Variants in HDAC4 observed in about 807,000 individuals in gnomAD.
HDAC4 encodes histone deacetylase A.
Under a neutral mutation model 135.1 loss-of-function variants are expected in HDAC4, and 16 were observed. That is an observed-to-expected ratio of 0.12 (90% CI 0.08 to 0.18). The LOEUF (loss-of-function observed/expected upper bound fraction) is 0.18. Ranked by LOEUF, HDAC4 falls within the 10% of genes least tolerant of loss-of-function variation. HDAC4 has a pLI of 1.00. For synonymous variants in HDAC4, 685 were observed against 653.4 expected (o/e 1.05, Z -0.74); for missense variants, 1,143 against 1,511.8 (o/e 0.76, Z 4.05).
chr2:239,132,054 C>T (rs1048589719), intron 11 of HDAC4, among the ~76,000 whole-genome samples: 1 of 152,056 alleles, frequency 6.6e-6, no homozygotes, highest in Non-Finnish European at 1.5e-5. Context: ...TGGGGGAGGG[C>T]CCCTGAGACA....
intron 5 of HDAC4, 41 bp from the exon 6 acceptor site, chr2:239,163,964 C>G (rs761172839): frequency 1.9e-6 from 3 of 1,613,356 alleles, no homozygotes; most frequent in East Asian, 2.2e-5. Flanking sequence ...AAGTGTGGCT[C>G]TGCCCTACAG....
chr2:239,172,976 C>T (rs1461769859), intron 5 of HDAC4, among the ~76,000 whole-genome samples: 2 of 152,050 alleles, frequency 1.3e-5, no homozygotes, highest in South Asian at 4.1e-4. Context: ...GGAAAAATGT[C>T]CCAGGAACTA....
At chr2:239,258,034 C>A (rs11898008) in intron 2 of HDAC4, among the ~76,000 whole-genome samples, 3,262 of 152,138 alleles carry the variant, frequency 0.021, 119 homozygotes, top group African/African-American at 0.075. Flanking sequence ...TAAGATCCTG[C>A]GGCAGTTTTA....
chr2:239,252,971 ACGG>A (rs1330441405), intron 2 of HDAC4, among the ~76,000 whole-genome samples: 1 of 152,228 alleles, frequency 6.6e-6, no homozygotes, highest in Non-Finnish European at 1.5e-5. Flanking sequence ...CCCGCTGGCC[ACGG>A]CGGCCCGCAC....
intron 16 of HDAC4, among the ~76,000 whole-genome samples, chr2:239,101,935 C>T (rs1430540165): frequency 6.6e-6 from 1 of 150,638 alleles, no homozygotes; most frequent in Non-Finnish European, 1.5e-5. Flanking sequence ...TGTTCTGTGC[C>T]CTGGACGCTC....
At chr2:239,254,287 A>C (rs2048939145) in intron 2 of HDAC4, among the ~76,000 whole-genome samples, 1 of 152,204 alleles carries the variant, frequency 6.6e-6, no homozygotes, top group South Asian at 2.1e-4. Context: ...TTTACCATGC[A>C]AATTTAACAT....
At position 239,083,900 on chromosome 2, in the gene HDAC4, G is replaced by A. The variant is rs563122099; in HGVS notation, c.2532+255C>T. ...CTTCCAAGAAGATCTCGTCGAGGGT[G>A]GCCCTGGCCGCTGCCGTCACCCACA... On this transcript the variant is annotated intron_variant, in intron 20 of 26. Transcript: ENST00000543185. Among the ~76,000 whole-genome samples the A allele has an allele frequency of 3.3e-5, 5 of 152,346 alleles. No homozygotes were observed. In the East Asian group the frequency reaches 9.6e-4, roughly 29 times the overall value.
intron 1 of HDAC4, among the ~76,000 whole-genome samples, chr2:239,373,301 A>C (rs1164716162): frequency 6.6e-6 from 1 of 151,904 alleles, no homozygotes; most frequent in African/African-American, 2.4e-5. Flanking sequence ...AAAAAGCACG[A>C]TCTCTGCTGA....
At chr2:239,136,079 G>A (rs2040934528) in intron 9 of HDAC4, among the ~76,000 whole-genome samples, 1 of 152,198 alleles carries the variant, frequency 6.6e-6, no homozygotes, top group African/African-American at 2.4e-5. Flanking sequence ...CCCCTACACA[G>A]TAGCTACTCA....
intron 1 of HDAC4, among the ~76,000 whole-genome samples, chr2:239,395,675 C>T (rs906168144): frequency 6.6e-6 from 1 of 152,146 alleles, no homozygotes; most frequent in African/African-American, 2.4e-5. Flanking sequence ...CCAGGAGTGG[C>T]CCGGGGACTG....
At chr2:239,250,383 T>G (rs912558882) in intron 2 of HDAC4, among the ~76,000 whole-genome samples, 3 of 152,022 alleles carry the variant, frequency 2.0e-5, no homozygotes, top group African/African-American at 7.2e-5. Flanking sequence ...CCAGAACCAG[T>G]GGGGAAGAAC....
intron 2 of HDAC4, among the ~76,000 whole-genome samples, chr2:239,315,213 C>T (rs768174199): frequency 1.1e-4 from 16 of 152,226 alleles, no homozygotes; most frequent in Admixed American, 3.3e-4. Context: ...TCATCTTCCA[C>T]ATACTGACAG....
chr2:239,174,847 C>T (rs896097884), intron 5 of HDAC4, among the ~76,000 whole-genome samples: 2 of 152,210 alleles, frequency 1.3e-5, no homozygotes, highest in Non-Finnish European at 2.9e-5. Context: ...GGATGAATTT[C>T]ACAAGCATAA....
chr2:239,250,233 G>C (rs1414927710), intron 2 of HDAC4, among the ~76,000 whole-genome samples: 1 of 152,260 alleles, frequency 6.6e-6, no homozygotes. Flanking sequence ...CACCTTAGGT[G>C]CTGAGAACCC....
At chr2:239,267,067 G>T (rs1009007371) in intron 2 of HDAC4, among the ~76,000 whole-genome samples, 1 of 152,004 alleles carries the variant, frequency 6.6e-6, no homozygotes, top group African/African-American at 2.4e-5. Flanking sequence ...TGCCCACATG[G>T]TCTCCGCGGC....
At chr2:239,168,703 G>A (rs1381572034) in intron 5 of HDAC4, among the ~76,000 whole-genome samples, 4 of 152,236 alleles carry the variant, frequency 2.6e-5, no homozygotes, top group Non-Finnish European at 5.9e-5. Context: ...CATGGGGGAA[G>A]ACGCCGGCTT....
At chr2:239,222,426 G>A (rs1245790840) in intron 3 of HDAC4, among the ~76,000 whole-genome samples, 1 of 151,090 alleles carries the variant, frequency 6.6e-6, no homozygotes, top group Non-Finnish European at 1.5e-5. Flanking sequence ...CTCAAATTGA[G>A]CAAGAGCTGA....
At chr2:239,296,024 G>C (rs999765712) in intron 2 of HDAC4, among the ~76,000 whole-genome samples, 1 of 152,252 alleles carries the variant, frequency 6.6e-6, no homozygotes, top group African/African-American at 2.4e-5. Flanking sequence ...AGAAGCAGCA[G>C]AGAGCTGAGG....
intron 1 of HDAC4, among the ~76,000 whole-genome samples, chr2:239,364,892 G>A (rs927773865): frequency 1.2e-4 from 19 of 152,126 alleles, no homozygotes; most frequent in South Asian, 4.1e-4. Context: ...AAGAAACCTC[G>A]CAGAAACGGA....
Sources: gnomAD v4.1 joint callset for allele counts (sites outside exome capture counted in the v4.1 genomes callset) on GRCh38, gnomAD v4.1.1 for gene constraint, MANE v1.5 for transcripts, NCBI Gene and HGNC (gene_info 2026-07-23, HGNC 2026-07-21) for gene names.